DNER: variants seen among roughly 807,000 people sequenced by gnomAD.
DNER encodes the protein delta/notch like EGF repeat containing.
Under a neutral mutation model 78.2 loss-of-function variants are expected in DNER, and 33 were observed. That is an observed-to-expected ratio of 0.42 (90% confidence interval 0.32 to 0.56). DNER has a LOEUF of 0.56. Ranked by LOEUF, DNER falls within the 20% of genes least tolerant of loss-of-function variation. The pLI is 0.11. For synonymous variants in DNER, 417 were observed against 384.8 expected (o/e 1.08, Z -0.98); for missense variants, 918 against 975.3 (o/e 0.94, Z 0.78).
intron 11 of DNER, among the ~76,000 whole-genome samples, chr2:229,380,757 T>C (rs1692716912): frequency 1.3e-5 from 2 of 151,748 alleles, no homozygotes; most frequent in South Asian, 2.1e-4. Flanking sequence ...AAACCCCTTC[T>C]CTACTAAAAA....
intron 1 of DNER, among the ~76,000 whole-genome samples, chr2:229,687,457 T>G (rs773124900): frequency 1.3e-5 from 2 of 151,736 alleles, no homozygotes; most frequent in Non-Finnish European, 2.9e-5. Context: ...AGACATAGGG[T>G]TTCATCATGT....
At chr2:229,519,961 T>G (rs1242960517) in intron 5 of DNER, among the ~76,000 whole-genome samples, 1 of 152,154 alleles carries the variant, frequency 6.6e-6, no homozygotes, top group African/African-American at 2.4e-5. Flanking sequence ...GGTGTCAGGA[T>G]AGAGTAAAAA....
chr2:229,649,317 C>T (rs1439744227), intron 1 of DNER, among the ~76,000 whole-genome samples: 1 of 152,152 alleles, frequency 6.6e-6, no homozygotes, highest in East Asian at 1.9e-4. Context: ...TTTAACTATA[C>T]ATTTATACGC....
intron 4 of DNER, among the ~76,000 whole-genome samples, chr2:229,549,132 G>A (rs1399067568): frequency 6.6e-6 from 1 of 152,068 alleles, no homozygotes; most frequent in African/African-American, 2.4e-5. Context: ...ATACCAAGAT[G>A]CATGGAAAGA....
intron 9 of DNER, among the ~76,000 whole-genome samples, chr2:229,411,421 G>A (rs1271667994): frequency 6.6e-6 from 1 of 152,096 alleles, no homozygotes; most frequent in East Asian, 1.9e-4. Context: ...GCCGGGCATG[G>A]TGGCACACAC....
rs1695337377 is a variant in DNER at position 229,489,013 on chromosome 2, TTACAGA to T, written c.1148-11766_1148-11761del. Among the ~76,000 whole-genome samples, 3 of 152,324 alleles carry T rather than the reference TTACAGA, an allele frequency of 2.0e-5. No homozygotes were observed. In the South Asian group the frequency reaches 6.2e-4, roughly 32 times the overall value. On this transcript the variant is annotated intron_variant, in intron 6 of 12. Coordinates refer to ENST00000341772, the MANE Select transcript of DNER (RefSeq NM_139072.4). ...TTGAATACCGTCACCCATGCCCAAT[TTACAGA>T]TAGACAGCTGAGACCCAGGAAGATT...
chr2:229,630,278 C>T (rs887681976), intron 1 of DNER, among the ~76,000 whole-genome samples: 1 of 151,982 alleles, frequency 6.6e-6, no homozygotes, highest in African/African-American at 2.4e-5. Flanking sequence ...GAGTTTGAGA[C>T]CAGCCTGGCC....
At chr2:229,543,307 G>T (rs545823702) in intron 5 of DNER, among the ~76,000 whole-genome samples, 1 of 152,234 alleles carries the variant, frequency 6.6e-6, no homozygotes, top group East Asian at 1.9e-4. Context: ...CAAGTTACCT[G>T]CCCGGTGCTA....
At chr2:229,511,714 C>T (rs1279781663) in intron 6 of DNER, among the ~76,000 whole-genome samples, 1 of 152,182 alleles carries the variant, frequency 6.6e-6, no homozygotes, top group Non-Finnish European at 1.5e-5. Flanking sequence ...AGTGCCAGCC[C>T]ACACTCAGTA....
chr2:229,586,122 C>T, intron 3 of DNER, 98 bp from the exon 4 acceptor site: 2 of 1,395,506 alleles, frequency 1.4e-6, no homozygotes, highest in Non-Finnish European at 1.9e-6. Context: ...ATGGTATGTG[C>T]ATCTACCAAG....
At chr2:229,510,371 G>A (rs970281037) in intron 6 of DNER, among the ~76,000 whole-genome samples, 1 of 152,220 alleles carries the variant, frequency 6.6e-6, no homozygotes, top group African/African-American at 2.4e-5. Context: ...GGCAAAGGCC[G>A]ATGCCCACTT....
chr2:229,530,084 T>C (rs948525257), intron 5 of DNER, among the ~76,000 whole-genome samples: 2 of 152,102 alleles, frequency 1.3e-5, no homozygotes, highest in African/African-American at 4.8e-5. Flanking sequence ...TATTAAACTA[T>C]AATGGGGAGA....
intron 5 of DNER, among the ~76,000 whole-genome samples, chr2:229,525,348 A>C (rs1696188148): frequency 1.3e-5 from 2 of 152,230 alleles, no homozygotes; most frequent in South Asian, 4.1e-4. Context: ...AATTTTTAAA[A>C]GTAGAACACT....
intron 10 of DNER, among the ~76,000 whole-genome samples, chr2:229,404,666 GAGA>G (rs150046942): frequency 2.4e-3 from 369 of 152,286 alleles, no homozygotes; most frequent in East Asian, 0.017. Flanking sequence ...AGAAGGAAAG[GAGA>G]AGAAGATCTG....
chr2:229,637,219 C>T (rs1698545146), intron 1 of DNER, among the ~76,000 whole-genome samples: 1 of 152,216 alleles, frequency 6.6e-6, no homozygotes, highest in Non-Finnish European at 1.5e-5. Flanking sequence ...AATACAATAT[C>T]TACCCAACCC....
At chr2:229,699,110 AC>A (rs1171913334) in intron 1 of DNER, among the ~76,000 whole-genome samples, 1 of 152,166 alleles carries the variant, frequency 6.6e-6, no homozygotes, top group Non-Finnish European at 1.5e-5. Flanking sequence ...ACCATCAAAA[AC>A]TTTTAAGAAA....
intron 6 of DNER, among the ~76,000 whole-genome samples, chr2:229,497,943 G>A (rs149667730): frequency 4.0e-4 from 60 of 151,702 alleles, no homozygotes; most frequent in East Asian, 1.2e-3. Context: ...GAAGGCCAGC[G>A]TTACCCTGAT....
chr2:229,646,602 A>G (rs1698723971), intron 1 of DNER, among the ~76,000 whole-genome samples: 1 of 152,256 alleles, frequency 6.6e-6, no homozygotes, highest in South Asian at 2.1e-4. Flanking sequence ...ACACAACATT[A>G]CACTCAGGCT....
chr2:229,435,484 A>G (rs1694103649), intron 8 of DNER, among the ~76,000 whole-genome samples: 1 of 152,270 alleles, frequency 6.6e-6, no homozygotes, highest in African/African-American at 2.4e-5. Flanking sequence ...TGACTAACTA[A>G]TACAAAGGTT....
Sources: allele counts gnomAD v4.1 joint callset (sites outside exome capture counted in the v4.1 genomes callset), GRCh38; gene constraint gnomAD v4.1.1; transcripts MANE v1.5; gene names NCBI Gene and HGNC (gene_info 2026-07-23, HGNC 2026-07-21).